MYO5A: variants seen among roughly 807,000 people sequenced by gnomAD.
MYO5A encodes the protein myosin VA.
Under a neutral mutation model 249.7 loss-of-function variants are expected in MYO5A, and 98 were observed. The observed-to-expected ratio is 0.39, with a 90% CI of 0.33 to 0.46. The LOEUF (loss-of-function observed/expected upper bound fraction) is 0.46. Among genes scored for constraint, MYO5A ranks in the 20% least tolerant of loss-of-function variants. The pLI, the probability that MYO5A is intolerant of heterozygous loss-of-function variation, is 0.98. For synonymous variants in MYO5A, 778 were observed against 810.6 expected (o/e 0.96, Z 0.68); for missense variants, 1,696 against 2,308.8 (o/e 0.73, Z 5.44).
chr15:52,311,616 T>G lies in MYO5A; in HGVS notation c.*2080A>C, dbSNP rs985257065. On this transcript the variant is annotated 3_prime_UTR_variant, in exon 42 of 42. Coordinates refer to ENST00000399233, the MANE Select transcript of MYO5A (RefSeq NM_001382347.1). ...AGCATGTACATAAATCATGTACATT[T>G]AAGAAAGGTTACAGCTACACAAACT... is the stretch of plus-strand genomic sequence containing the variant. The G allele has an allele frequency of 5.9e-5, 9 of 152,344 alleles. No individual in the cohort carries two copies. Among genetic ancestry groups the G allele is most frequent in the African/African-American group, 2.2e-4 (9 of 41,576 alleles). The allele number at this position is 152,344 out of a possible 1,614,324, so 9.4% of individuals were successfully genotyped here. A position where few individuals can be genotyped will look rare whatever the true frequency, so the allele number is the denominator to read the frequency against.
chr15:52,527,030 CA>C (rs199940984), intron 1 of MYO5A, among the ~76,000 whole-genome samples: 1 of 151,154 alleles, frequency 6.6e-6, no homozygotes, highest in Admixed American at 6.6e-5. Flanking sequence ...AAAAAAATTG[CA>C]AAAAAAACAC....
At chr15:52,437,765 G>A (rs1055091864) in intron 1 of MYO5A, among the ~76,000 whole-genome samples, 1 of 152,180 alleles carries the variant, frequency 6.6e-6, no homozygotes, top group Non-Finnish European at 1.5e-5. Context: ...GTGCCTTCAT[G>A]TTCTGTGTTA....
At chr15:52,421,799 G>A (rs1265866651) in intron 4 of MYO5A, among the ~76,000 whole-genome samples, 2 of 152,190 alleles carry the variant, frequency 1.3e-5, no homozygotes, top group Non-Finnish European at 2.9e-5. Context: ...TTTTATAGAT[G>A]ATAAAACGGA....
intron 20 of MYO5A, among the ~76,000 whole-genome samples, chr15:52,373,452 T>C (rs549407012): frequency 1.3e-5 from 2 of 152,348 alleles, no homozygotes; most frequent in East Asian, 1.9e-4. Context: ...TAATCAGAGC[T>C]TCCATTTTCA....
intron 35 of MYO5A, among the ~76,000 whole-genome samples, chr15:52,328,328 G>A (rs1185575652): frequency 6.6e-6 from 1 of 152,090 alleles, no homozygotes; most frequent in Non-Finnish European, 1.5e-5. Context: ...CTTCTCTAAG[G>A]AACCTACTTT....
At chr15:52,499,424 C>A (rs1360099003) in intron 1 of MYO5A, among the ~76,000 whole-genome samples, 1 of 152,188 alleles carries the variant, frequency 6.6e-6, no homozygotes, top group Non-Finnish European at 1.5e-5. Context: ...ACCATCACCA[C>A]CGTCTGTCCA....
chr15:52,323,578 G>A, intron 36 of MYO5A, 134 bp from the exon 37 acceptor site: 2 of 683,048 alleles, frequency 2.9e-6, no homozygotes, highest in Non-Finnish European at 5.2e-6. Context: ...TCACATTACA[G>A]TTGTGAAGTC....
At chr15:52,420,021 C>T (rs1025350517) in intron 4 of MYO5A, among the ~76,000 whole-genome samples, 1 of 152,012 alleles carries the variant, frequency 6.6e-6, no homozygotes, top group Admixed American at 6.6e-5. Flanking sequence ...TAAAATGTGA[C>T]TAGGCCAGGC....
At chr15:52,460,182 G>A (rs1444973605) in intron 1 of MYO5A, among the ~76,000 whole-genome samples, 1 of 149,792 alleles carries the variant, frequency 6.7e-6, no homozygotes, top group Non-Finnish European at 1.5e-5. Context: ...CAGGCAGAGG[G>A]GCTCCTCACA....
Position 52,384,023 on chromosome 15 carries a change from G to C in MYO5A, c.1914+138C>G, listed in dbSNP as rs965067952. ...GGGTGGAGAAGAGTTTTAGTGGATG[G>C]TGTCGTATGATCTCACAGTGAAAGC... On this transcript the variant is annotated intron_variant, in intron 15 of 41. Transcript: ENST00000399233. 5.5e-5 allele frequency: 53 copies of C among 972,344 alleles called. No homozygotes were observed. The African/African-American group carries it at 8.3e-4, about 15-fold the overall frequency. 60.2% of individuals were successfully genotyped at this position (972,344 alleles called of 1,614,324 possible). A position where few individuals can be genotyped will look rare whatever the true frequency, so the allele number is the denominator to read the frequency against.
At chr15:52,433,421 T>C (rs924172631) in intron 1 of MYO5A, 136 bp from the exon 2 acceptor site, 1 of 474,830 alleles carries the variant, frequency 2.1e-6, no homozygotes, top group Non-Finnish European at 3.6e-6. Context: ...CACTTTTTTT[T>C]TTTTTTTTTT....
intron 14 of MYO5A, 173 bp downstream of exon 14, chr15:52,387,655 TA>T (rs2042024804): frequency 1.7e-6 from 1 of 580,246 alleles, no homozygotes; most frequent in Non-Finnish European, 3.0e-6. Context: ...GCATTTTCAA[TA>T]CATTTAGAAC....
intron 20 of MYO5A, among the ~76,000 whole-genome samples, chr15:52,374,514 A>G (rs2041297729): frequency 6.6e-6 from 1 of 152,388 alleles, no homozygotes; most frequent in Admixed American, 6.5e-5. Flanking sequence ...AAGGGTCTTC[A>G]GATGGGAGGA....
At chr15:52,502,061 G>A (rs560690661) in intron 1 of MYO5A, among the ~76,000 whole-genome samples, 144 of 152,172 alleles carry the variant, frequency 9.5e-4, no homozygotes, top group Middle Eastern at 3.4e-3. Context: ...GCCAAAGCGG[G>A]CAGATCACCT....
intron 18 of MYO5A, 126 bp from the exon 19 acceptor site, chr15:52,376,684 A>G: frequency 1.2e-6 from 1 of 856,640 alleles, no homozygotes; most frequent in African/African-American, 1.7e-5. Context: ...GCTACATCAC[A>G]ATTAACTAAT....
intron 22 of MYO5A, among the ~76,000 whole-genome samples, chr15:52,369,821 C>A (rs1200648580): frequency 1.3e-5 from 2 of 149,274 alleles, no homozygotes; most frequent in African/African-American, 4.9e-5. Flanking sequence ...AAGGAGTCTA[C>A]GCCCCAGACT....
chr15:52,424,325 A>C (rs1450986935), intron 4 of MYO5A, among the ~76,000 whole-genome samples: 1 of 152,196 alleles, frequency 6.6e-6, no homozygotes, highest in Non-Finnish European at 1.5e-5. Context: ...ATGTCAGACT[A>C]ATTGAATTTG....
At chr15:52,368,486 C>T (rs117160922) in intron 22 of MYO5A, among the ~76,000 whole-genome samples, 3,405 of 152,268 alleles carry the variant, frequency 0.022, 48 homozygotes, top group Middle Eastern at 0.034. Context: ...TGGTTAGGAA[C>T]CATACATAAC....
In MYO5A at chr15:52,458,216, C is replaced by T. The variant is rs147691137; in HGVS notation, c.28-24931G>A. 4.7e-3 allele frequency among the ~76,000 whole-genome samples: 717 copies of T among 152,256 alleles called. 27 individuals carry two copies. The highest frequency in any genetic ancestry group is 0.041 in the Admixed American group (629 of 15,276). ...ACAATAATAGGGTGACTATAGCTAA[C>T]GACAATGTATTATGTATTTCAAAAC... is the stretch of plus-strand genomic sequence containing the variant. On this transcript the variant is annotated intron_variant, in intron 1 of 41. Transcript: ENST00000399233.
Sources: gnomAD v4.1 joint callset for allele counts (sites outside exome capture counted in the v4.1 genomes callset) on GRCh38, gnomAD v4.1.1 for gene constraint, MANE v1.5 for transcripts, NCBI Gene and HGNC (gene_info 2026-07-23, HGNC 2026-07-21) for gene names.